The following DNAL1 variants were observed in gnomAD, a reference collection of about 807,000 sequenced individuals.
DNAL1 encodes dynein axonemal light chain 1, also known as chromosome 14 open reading frame 168.
A neutral mutation model predicts 29.4 loss-of-function variants in DNAL1; 17 were observed. The ratio of observed to expected loss-of-function variants is 0.58; its 90% CI spans 0.40 to 0.87. DNAL1 has a LOEUF of 0.87. Among genes scored for constraint, DNAL1 ranks in the 40% least tolerant of loss-of-function variants. The pLI, the probability that DNAL1 is intolerant of heterozygous loss-of-function variation, is 0.00. For synonymous variants in DNAL1, 78 were observed against 76.3 expected, an observed-to-expected ratio of 1.02 and a Z score of -0.12; for missense variants, 188 against 214.1, an observed-to-expected ratio of 0.88 and a Z score of 0.76.
chr14:73,686,864 C>A (rs187951872), intron 5 of DNAL1, among the ~76,000 whole-genome samples: 5 of 152,092 alleles, frequency 3.3e-5, no homozygotes, highest in African/African-American at 1.2e-4. Context: ...CCTGCCTTAT[C>A]GGCTTTAAAG....
chr14:73,649,286 A>AT (rs1263000480), intron 1 of DNAL1, among the ~76,000 whole-genome samples: 1,713 of 116,312 alleles, frequency 0.015, 27 homozygotes, highest in African/African-American at 0.041. Context: ...TGTGTTTGAC[A>AT]TTTTTTTTTT....
chr14:73,673,554 A>G (rs78104424), intron 5 of DNAL1, among the ~76,000 whole-genome samples: 3,489 of 152,240 alleles, frequency 0.023, 73 homozygotes, highest in South Asian at 0.11. Flanking sequence ...TCCAGGGTGT[A>G]ATGTGGGGTT....
At chr14:73,686,729 T>G (rs1044597530) in intron 5 of DNAL1, among the ~76,000 whole-genome samples, 5 of 152,192 alleles carry the variant, frequency 3.3e-5, no homozygotes, top group Non-Finnish European at 5.9e-5. Context: ...AAAAACAACT[T>G]TTTTATGTTT....
At chr14:73,648,538 C>G (rs535188972) in intron 1 of DNAL1, among the ~76,000 whole-genome samples, 2 of 150,526 alleles carry the variant, frequency 1.3e-5, no homozygotes, top group Non-Finnish European at 2.9e-5. Context: ...TCAGCCCCTG[C>G]GAGTAGTTGG....
intron 6 of DNAL1, among the ~76,000 whole-genome samples, chr14:73,688,583 A>G (rs896781852): frequency 6.6e-6 from 1 of 152,164 alleles, no homozygotes; most frequent in African/African-American, 2.4e-5. Flanking sequence ...AGATGAAGCC[A>G]TTGCACTCCA....
intron 4 of DNAL1, among the ~76,000 whole-genome samples, chr14:73,669,017 T>A (rs1285401140): frequency 6.6e-6 from 1 of 152,174 alleles, no homozygotes; most frequent in Non-Finnish European, 1.5e-5. Flanking sequence ...TGTGTCTATG[T>A]CCAAATTGCC....
chr14:73,646,504 G>C (rs1890979864), intron 1 of DNAL1, among the ~76,000 whole-genome samples: 2 of 152,182 alleles, frequency 1.3e-5, no homozygotes, highest in African/African-American at 4.8e-5. Flanking sequence ...CCAGAGGCCT[G>C]TAATCCCAGC....
intron 6 of DNAL1, among the ~76,000 whole-genome samples, chr14:73,688,564 A>T (rs1250850926): frequency 6.6e-6 from 1 of 152,184 alleles, no homozygotes; most frequent in East Asian, 1.9e-4. Context: ...CAGAGGTTGC[A>T]GCGAGTGGAG....
chr14:73,667,883 C>T (rs1214805478), intron 4 of DNAL1, among the ~76,000 whole-genome samples: 1 of 152,200 alleles, frequency 6.6e-6, no homozygotes. Context: ...ACTCCTCTCT[C>T]TCACATCCTC....
intron 4 of DNAL1, among the ~76,000 whole-genome samples, chr14:73,663,941 A>G (rs1214401385): frequency 6.6e-6 from 1 of 152,194 alleles, no homozygotes; most frequent in Non-Finnish European, 1.5e-5. Flanking sequence ...TTGTGGGTGT[A>G]TCTCTAGGCA....
intron 7 of DNAL1, among the ~76,000 whole-genome samples, chr14:73,690,218 T>G (rs1183925005): frequency 6.6e-6 from 1 of 151,876 alleles, no homozygotes; most frequent in Non-Finnish European, 1.5e-5. Flanking sequence ...TTTAAAAAAT[T>G]GTATATTTAT....
intron 4 of DNAL1, among the ~76,000 whole-genome samples, chr14:73,669,925 G>T (rs564483632): frequency 6.6e-6 from 1 of 151,994 alleles, no homozygotes; most frequent in Non-Finnish European, 1.5e-5. Context: ...TTTCTTGTAA[G>T]ACAAATTAAT....
At chr14:73,688,880 G>A (rs1555403118) in intron 6 of DNAL1, among the ~76,000 whole-genome samples, 4 of 152,004 alleles carry the variant, frequency 2.6e-5, no homozygotes, top group Non-Finnish European at 2.9e-5. Flanking sequence ...CTCCCATCCT[G>A]TACTGTCTTC....
chr14:73,667,939 G>T (rs1300976339), intron 4 of DNAL1, among the ~76,000 whole-genome samples: 7 of 151,942 alleles, frequency 4.6e-5, no homozygotes, highest in Non-Finnish European at 1.0e-4. Context: ...TTATACGTAT[G>T]GACTTACTTA....
At chr14:73,665,658 G>A (rs1310069663) in intron 4 of DNAL1, among the ~76,000 whole-genome samples, 2 of 152,088 alleles carry the variant, frequency 1.3e-5, no homozygotes, top group Admixed American at 6.6e-5. Flanking sequence ...AGGTGTGGTG[G>A]CGTGCGCCTG....
intron 4 of DNAL1, among the ~76,000 whole-genome samples, chr14:73,662,659 C>T (rs1891382974): frequency 6.6e-6 from 1 of 152,180 alleles, no homozygotes; most frequent in Non-Finnish European, 1.5e-5. Flanking sequence ...ACTCCAGTCT[C>T]TGCCAGTAGT....
At chr14:73,690,014 CA>C (rs1892129784) in intron 7 of DNAL1, among the ~76,000 whole-genome samples, 1 of 84,026 alleles carries the variant, frequency 1.2e-5, no homozygotes, top group Non-Finnish European at 2.4e-5. Flanking sequence ...CCAGCCTGGG[CA>C]AAAAAGAGTG....
At chr14:73,661,963 A>C in intron 3 of DNAL1, 24 bp from the exon 4 acceptor site, 1 of 1,517,150 alleles carries the variant, frequency 6.6e-7, no homozygotes, top group South Asian at 1.3e-5. Context: ...TTTCACATTA[A>C]ATTTTTTCTT....
At chr14:73,663,357 C>T (rs539456888) in intron 4 of DNAL1, among the ~76,000 whole-genome samples, 9 of 151,832 alleles carry the variant, frequency 5.9e-5, no homozygotes, top group East Asian at 3.9e-4. Flanking sequence ...AGGTGCCCAC[C>T]GCCACGCCTG....
Sources: gnomAD v4.1 joint callset for allele counts (sites outside exome capture counted in the v4.1 genomes callset) on GRCh38, gnomAD v4.1.1 for gene constraint, MANE v1.5 for transcripts, NCBI Gene and HGNC (gene_info 2026-07-23, HGNC 2026-07-21) for gene names.